The following FHOD3 variants were observed in gnomAD, a reference collection of about 807,000 sequenced individuals.
FHOD3 encodes the protein FH1/FH2 domain-containing protein 3.
A neutral mutation model predicts 173.0 loss-of-function variants in FHOD3; 90 were observed. The observed-to-expected ratio is 0.52, with a 90% CI of 0.44 to 0.62. FHOD3 has a LOEUF of 0.62. FHOD3 is among the 20% of genes least tolerant of loss of function. FHOD3 has a pLI of 0.00. For synonymous variants in FHOD3, 828 were observed against 823.0 expected (o/e 1.01, Z -0.10); for missense variants, 1,945 against 2,034.7 (o/e 0.96, Z 0.85).
At chr18:36,565,751 A>G (rs1421959556) in intron 5 of FHOD3, among the ~76,000 whole-genome samples, 1 of 152,210 alleles carries the variant, frequency 6.6e-6, no homozygotes. Context: ...CTGCTTCTGT[A>G]AAAGAAAATG....
chr18:36,599,071 G>A (rs1341499984), intron 7 of FHOD3, among the ~76,000 whole-genome samples: 2 of 152,190 alleles, frequency 1.3e-5, no homozygotes, highest in East Asian at 3.9e-4. Flanking sequence ...CCCTTAGAGA[G>A]CCTTGCTTTG....
intron 10 of FHOD3, among the ~76,000 whole-genome samples, chr18:36,641,838 C>A (rs2035326813): frequency 6.6e-6 from 1 of 151,874 alleles, no homozygotes; most frequent in Non-Finnish European, 1.5e-5. Context: ...TGCCTGTTAT[C>A]CCAGCTACTG....
intron 1 of FHOD3, among the ~76,000 whole-genome samples, chr18:36,348,872 G>C (rs1039841968): frequency 2.0e-5 from 3 of 152,126 alleles, no homozygotes; most frequent in Non-Finnish European, 4.4e-5. Context: ...TGCATTCAGC[G>C]GGCAACTCGA....
intron 9 of FHOD3, among the ~76,000 whole-genome samples, chr18:36,620,535 A>G (rs1377994418): frequency 6.6e-6 from 1 of 151,982 alleles, no homozygotes; most frequent in East Asian, 1.9e-4. Context: ...CCTTTGAGCT[A>G]CTCTAAGCCA....
At chr18:36,367,303 AGCCTTG>A (rs541550009) in intron 2 of FHOD3, among the ~76,000 whole-genome samples, 4 of 152,248 alleles carry the variant, frequency 2.6e-5, no homozygotes, top group African/African-American at 7.2e-5. Context: ...GCACTTGGGT[AGCCTTG>A]GCCTTGGCCT....
chr18:36,689,281 A>G (rs2038815347), intron 16 of FHOD3, among the ~76,000 whole-genome samples: 1 of 152,230 alleles, frequency 6.6e-6, no homozygotes, highest in African/African-American at 2.4e-5. Flanking sequence ...GTACAGAAAT[A>G]AGGAAAAGTA....
intron 19 of FHOD3, among the ~76,000 whole-genome samples, chr18:36,723,248 T>A (rs2149824258): frequency 6.6e-6 from 1 of 152,322 alleles, no homozygotes; most frequent in Non-Finnish European, 1.5e-5. Flanking sequence ...ATATGAGAAA[T>A]TAATACTCTT....
chr18:36,466,171 G>A lies in FHOD3; in HGVS notation c.338-35761G>A, dbSNP rs1296144773. On this transcript the variant is annotated intron_variant, in intron 3 of 28. Coordinates refer to ENST00000590592, the MANE Select transcript of FHOD3 (RefSeq NM_001281740.3). Reference sequence around the variant, plus strand: ...TGACTTCAGTCCATGTTATCCCAGAGGGAGGGAGACTCTCAGGCTATCCCG... The same window carrying A: ...TGACTTCAGTCCATGTTATCCCAGAAGGAGGGAGACTCTCAGGCTATCCCG... Among the ~76,000 whole-genome samples, 7 of 152,314 alleles carry A rather than the reference G, an allele frequency of 4.6e-5. No homozygotes were observed. The East Asian group carries it at 1.3e-3, about 29-fold the overall frequency.
At chr18:36,414,612 C>G (rs895102262) in intron 3 of FHOD3, among the ~76,000 whole-genome samples, 2 of 152,216 alleles carry the variant, frequency 1.3e-5, no homozygotes, top group African/African-American at 4.8e-5. Context: ...CAGTTATATG[C>G]TGGACCTTGG....
intron 10 of FHOD3, among the ~76,000 whole-genome samples, chr18:36,629,582 G>A (rs2034360189): frequency 6.6e-6 from 1 of 152,210 alleles, no homozygotes; most frequent in Admixed American, 6.5e-5. Flanking sequence ...TGTTATGTGT[G>A]AGGGCTATGG....
chr18:36,653,259 T>C, intron 12 of FHOD3, 83 bp from the exon 13 acceptor site: 1 of 1,095,790 alleles, frequency 9.1e-7, no homozygotes, highest in East Asian at 2.6e-5. Flanking sequence ...TGGCATGAAG[T>C]CTTTTTGACG....
intron 3 of FHOD3, among the ~76,000 whole-genome samples, chr18:36,443,378 G>A (rs138425852): frequency 2.6e-5 from 4 of 152,230 alleles, no homozygotes; most frequent in African/African-American, 7.2e-5. Flanking sequence ...ATGAACTCAT[G>A]GATATTTGTT....
intron 24 of FHOD3, 76 bp downstream of exon 24, chr18:36,747,211 G>A (rs554546754): frequency 6.6e-6 from 8 of 1,221,204 alleles, no homozygotes; most frequent in Admixed American, 5.2e-5. Flanking sequence ...ATTAAGAGCC[G>A]ATGGTTAAAT....
chr18:36,516,571 G>A (rs1355004971), intron 5 of FHOD3, among the ~76,000 whole-genome samples: 3 of 152,138 alleles, frequency 2.0e-5, no homozygotes, highest in Non-Finnish European at 4.4e-5. Flanking sequence ...CTGGCTGGTC[G>A]CTAGCCAGGG....
At chr18:36,510,120 G>C (rs1388072135) in intron 4 of FHOD3, among the ~76,000 whole-genome samples, 1 of 152,152 alleles carries the variant, frequency 6.6e-6, no homozygotes, top group Non-Finnish European at 1.5e-5. Flanking sequence ...GTAAGTGTCT[G>C]AAAAACAGAG....
intron 3 of FHOD3, among the ~76,000 whole-genome samples, chr18:36,410,051 T>C (rs2049275363): frequency 6.6e-6 from 1 of 152,204 alleles, no homozygotes; most frequent in Admixed American, 6.5e-5. Context: ...ACCTAAAGTG[T>C]CTGATTCAGT....
chr18:36,723,860 C>G (rs1005191358), intron 19 of FHOD3, among the ~76,000 whole-genome samples: 1 of 152,190 alleles, frequency 6.6e-6, no homozygotes, highest in African/African-American at 2.4e-5. Context: ...TTTCAGGAAG[C>G]CTTAAGCTTA....
At chr18:36,481,185 G>A (rs1401186626) in intron 3 of FHOD3, among the ~76,000 whole-genome samples, 2 of 151,978 alleles carry the variant, frequency 1.3e-5, no homozygotes, top group Non-Finnish European at 2.9e-5. Context: ...GGGGAGCGGT[G>A]GAGTCATTGT....
At chr18:36,770,513 G>T (rs1263804200) in intron 28 of FHOD3, among the ~76,000 whole-genome samples, 1 of 152,266 alleles carries the variant, frequency 6.6e-6, no homozygotes, top group East Asian at 1.9e-4. Context: ...CCTATGATCT[G>T]CTTTCGTTTC....
Sources: gnomAD v4.1 joint callset for allele counts (sites outside exome capture counted in the v4.1 genomes callset) on GRCh38, gnomAD v4.1.1 for gene constraint, MANE v1.5 for transcripts, NCBI Gene and HGNC (gene_info 2026-07-23, HGNC 2026-07-21) for gene names.